Variants in IFT25 observed in about 807,000 individuals in gnomAD.
IFT25 encodes the protein intraflagellar transport protein 25 homolog.
the IFT25 span, among the ~76,000 whole-genome samples, chr1:53,925,093 T>A: frequency 6.6e-6 from 1 of 152,206 alleles, no homozygotes; most frequent in Admixed American, 6.5e-5. Context: ...CTTTTATTCC[T>A]TTTTGATAAA....
the IFT25 span, among the ~76,000 whole-genome samples, chr1:53,920,856 T>C: frequency 2.6e-5 from 4 of 151,064 alleles, no homozygotes; most frequent in Non-Finnish European, 4.4e-5. Context: ...CTAACCCTTC[T>C]CTGAGGTTTT....
the IFT25 span, among the ~76,000 whole-genome samples, chr1:53,933,133 CTCT>C: frequency 5.6e-5 from 8 of 143,850 alleles, no homozygotes; most frequent in Admixed American, 2.0e-4. Flanking sequence ...CTTCCTTTTT[CTCT>C]TTTTTTTTTT....
the IFT25 span, among the ~76,000 whole-genome samples, chr1:53,934,841 A>T: frequency 1.3e-5 from 2 of 152,172 alleles, no homozygotes; most frequent in Non-Finnish European, 2.9e-5. Flanking sequence ...TCTACTAAAA[A>T]TACAGAAATG....
chr1:53,923,896 T>G, the IFT25 span: 1 of 1,526,184 alleles, frequency 6.6e-7, no homozygotes, highest in Non-Finnish European at 9.1e-7. Flanking sequence ...TAAAGTATAT[T>G]CACTTACCAC....
chr1:53,935,561 C>T, the IFT25 span, among the ~76,000 whole-genome samples: 1 of 150,916 alleles, frequency 6.6e-6, no homozygotes. Flanking sequence ...TCTAAATGGG[C>T]GAATTGTATG....
At chr1:53,930,600 T>C in the IFT25 span, among the ~76,000 whole-genome samples, 1 of 152,176 alleles carries the variant, frequency 6.6e-6, no homozygotes, top group Non-Finnish European at 1.5e-5. Context: ...CATAAGTTCA[T>C]TCACTTTCTG....
At chr1:53,946,255 C>T in the IFT25 span, 4 of 151,958 alleles carry the variant, frequency 2.6e-5, no homozygotes, top group African/African-American at 9.7e-5. Flanking sequence ...GTTCCAAACC[C>T]TCGGCCCTCG....
At chr1:53,920,467 A>G in the IFT25 span, among the ~76,000 whole-genome samples, 13 of 144,248 alleles carry the variant, frequency 9.0e-5, no homozygotes, top group Admixed American at 9.3e-4. Context: ...CCATTAGTCT[A>G]CTTTCTGGCA....
chr1:53,933,822 T>A, the IFT25 span, among the ~76,000 whole-genome samples: 2 of 152,166 alleles, frequency 1.3e-5, no homozygotes, highest in Non-Finnish European at 2.9e-5. Flanking sequence ...TCTGAGTGAA[T>A]AATTTTTTTA....
At chr1:53,929,820 A>T in the IFT25 span, 2 of 590,212 alleles carry the variant, frequency 3.4e-6, no homozygotes, top group Non-Finnish European at 5.0e-6. Flanking sequence ...AGTTTGAGAG[A>T]GGCCAACTGA....
the IFT25 span, chr1:53,939,540 A>G: frequency 1.1e-3 from 171 of 155,796 alleles, 1 homozygote; most frequent in Non-Finnish European, 1.8e-3. Flanking sequence ...CAAAAAGGGG[A>G]GAAGCAAAAC....
chr1:53,940,164 G>T, the IFT25 span: 1 of 798,098 alleles, frequency 1.3e-6, no homozygotes, highest in Non-Finnish European at 2.1e-6. Context: ...AGAAAACGAA[G>T]TGAGAAGGAA....
the IFT25 span, among the ~76,000 whole-genome samples, chr1:53,932,845 C>T: frequency 6.6e-6 from 1 of 152,156 alleles, no homozygotes. Flanking sequence ...GGATTACAGG[C>T]GTGAGCCACC....
chr1:53,943,341 T>A, the IFT25 span, among the ~76,000 whole-genome samples: 2 of 152,190 alleles, frequency 1.3e-5, no homozygotes, highest in Non-Finnish European at 2.9e-5. Context: ...TGGGAATAGA[T>A]AATGAAAGAT....
At chr1:53,935,899 T>A in the IFT25 span, among the ~76,000 whole-genome samples, 5 of 152,184 alleles carry the variant, frequency 3.3e-5, no homozygotes, top group African/African-American at 1.2e-4. Flanking sequence ...TTGCCTCATG[T>A]TTTTCTTTGG....
At chr1:53,915,645 A>C in the IFT25 span, among the ~76,000 whole-genome samples, 3 of 152,212 alleles carry the variant, frequency 2.0e-5, no homozygotes, top group East Asian at 5.8e-4. Flanking sequence ...GGAACACTCT[A>C]ATTTTAATAG....
the IFT25 span, chr1:53,916,585 C>A: frequency 4.7e-5 from 10 of 214,096 alleles, no homozygotes; most frequent in Non-Finnish European, 9.2e-5. Context: ...CTCAGCATTT[C>A]ATTTTATTGA....
the IFT25 span, among the ~76,000 whole-genome samples, chr1:53,943,687 G>C: frequency 3.3e-5 from 5 of 151,870 alleles, no homozygotes; most frequent in Non-Finnish European, 5.9e-5. Context: ...GCAATGACTC[G>C]ATCTCGGCTA....
the IFT25 span, chr1:53,939,648 T>C: frequency 3.8e-6 from 1 of 261,846 alleles, no homozygotes; most frequent in Non-Finnish European, 7.2e-6. Flanking sequence ...AATATTTACA[T>C]TCTTATTCCA....
Sources: allele counts gnomAD v4.1 joint callset (sites outside exome capture counted in the v4.1 genomes callset), GRCh38; gene constraint gnomAD v4.1.1; transcripts MANE v1.5; gene names NCBI Gene and HGNC (gene_info 2026-07-23, HGNC 2026-07-21).